ATP8A1: variants seen among roughly 807,000 people sequenced by gnomAD.
ATP8A1 encodes the protein ATPase phospholipid transporting 8A1.
Under a neutral mutation model 177.7 loss-of-function variants are expected in ATP8A1, and 90 were observed. That is an observed-to-expected ratio of 0.51 (90% CI 0.43 to 0.60). The LOEUF (loss-of-function observed/expected upper bound fraction) is 0.60. ATP8A1 is among the 20% of genes least tolerant of loss of function. The pLI is 0.00. For synonymous variants in ATP8A1, 493 were observed against 485.9 expected, an observed-to-expected ratio of 1.01 and a Z score of -0.19; for missense variants, 1,072 against 1,392.8, an observed-to-expected ratio of 0.77 and a Z score of 3.67.
chr4:42,627,437 T>C (rs950026353), intron 1 of ATP8A1, among the ~76,000 whole-genome samples: 1 of 152,238 alleles, frequency 6.6e-6, no homozygotes, highest in Non-Finnish European at 1.5e-5. Flanking sequence ...CTGGTTTAAA[T>C]TACAGTTTTA....
chr4:42,413,779 T>C (rs1712901788), intron 36 of ATP8A1, among the ~76,000 whole-genome samples: 1 of 152,224 alleles, frequency 6.6e-6, no homozygotes, highest in Admixed American at 6.5e-5. Flanking sequence ...AACCCACTGA[T>C]AGAAAGGGCC....
chr4:42,552,967 G>T (rs4328946), intron 16 of ATP8A1, among the ~76,000 whole-genome samples: 49,203 of 152,102 alleles, frequency 0.32, 8,698 homozygotes, highest in Non-Finnish European at 0.4. Flanking sequence ...GCCAGGACAA[G>T]AGAGTGAGAC....
chr4:42,448,401 C>CTTTTTTTTTTTTTTTTTTTTT lies in ATP8A1; in HGVS notation c.2897-1758_2897-1757insAAAAAAAAAAAAAAAAAAAAA, dbSNP rs1226963744. 1.5e-3 allele frequency among the ~76,000 whole-genome samples: 148 copies of CTTTTTTTTTTTTTTTTTTTTT among 99,498 alleles called. 2 individuals are homozygous for CTTTTTTTTTTTTTTTTTTTTT. Among genetic ancestry groups the CTTTTTTTTTTTTTTTTTTTTT allele is most frequent in the Non-Finnish European group, 2.2e-3 (113 of 52,550 alleles). 65.3% of individuals were successfully genotyped at this position (99,498 alleles called of 152,430 possible). ...CTCCCTCCCTCCTTCTCTTTCTTTT[C>CTTTTTTTTTTTTTTTTTTTTT]TTTTTTTTTTTTTTGAGATGGAGTC... On this transcript the variant is annotated intron_variant, in intron 30 of 36. Transcript: ENST00000381668.
intron 6 of ATP8A1, among the ~76,000 whole-genome samples, chr4:42,594,737 C>T (rs1734557919): frequency 6.6e-6 from 1 of 152,000 alleles, no homozygotes; most frequent in African/African-American, 2.4e-5. Context: ...TATAATTGCT[C>T]CTCACAATAA....
rs537471255 is a variant in ATP8A1 at position 42,460,641 on chromosome 4, C to A, written c.2619+4049G>T. ...CGACCTTGTGATCTGCCCGCCTCAG[C>A]CTCCCAAAGTGCTGGGATTACAGGC... On this transcript the variant is annotated intron_variant, in intron 27 of 36. Coordinates refer to ENST00000381668, the MANE Select transcript of ATP8A1 (RefSeq NM_006095.2). Among the ~76,000 whole-genome samples the A allele has an allele frequency of 8.5e-5, 13 of 152,326 alleles. No homozygotes were observed. In the South Asian group the frequency reaches 2.7e-3, roughly 32 times the overall value.
At chr4:42,642,641 T>C (rs1294634414) in intron 1 of ATP8A1, among the ~76,000 whole-genome samples, 1 of 152,094 alleles carries the variant, frequency 6.6e-6, no homozygotes, top group Non-Finnish European at 1.5e-5. Flanking sequence ...AATCCACAGG[T>C]AGAACAAAAA....
At chr4:42,435,453 A>C (rs562868588) in intron 33 of ATP8A1, among the ~76,000 whole-genome samples, 49 of 99,304 alleles carry the variant, frequency 4.9e-4, no homozygotes, top group South Asian at 4.5e-3. Context: ...AAAAAAACAA[A>C]AAAAAAAAAA....
At chr4:42,555,830 C>G in intron 16 of ATP8A1, 138 bp downstream of exon 16, 2 of 605,482 alleles carry the variant, frequency 3.3e-6, no homozygotes, top group Non-Finnish European at 5.4e-6. Flanking sequence ...TCTCAAATAA[C>G]TAACTAACTA....
At position 42,443,635 on chromosome 4, in the gene ATP8A1, C is replaced by T; in HGVS notation, c.3053G>A (p.Trp1018Ter). 6.3e-7 allele frequency: 1 copy of T among 1,575,140 alleles called. No individual in the cohort carries two copies. The highest frequency in any genetic ancestry group is 8.7e-7 in the Non-Finnish European group (1 of 1,144,622). ...HIAIWGSIAL[W>*]VVFFGIYSSL... is the part of the protein sequence containing the mutation. ...TGAGTAGATTCCAAAAAACACCACC[C>T]AGAGTGCGATGCTCCCCCATATCGC... is the stretch of plus-strand genomic sequence containing the variant. The change falls in exon 33 of 37, where the codon TGG becomes TAG. Residue 1018 changes from tryptophan to a stop codon, truncating the protein, a stop_gained. Coordinates refer to ENST00000381668, the MANE Select transcript of ATP8A1 (RefSeq NM_006095.2). LOFTEE classifies it high-confidence loss of function.
intron 8 of ATP8A1, among the ~76,000 whole-genome samples, chr4:42,587,315 T>C (rs1422789713): frequency 2.7e-5 from 4 of 147,662 alleles, no homozygotes; most frequent in Admixed American, 6.6e-5. Context: ...CTTTTCTTTT[T>C]TTTTTTTTTT....
chr4:42,644,977 G>C (rs184269131), intron 1 of ATP8A1, among the ~76,000 whole-genome samples: 12 of 151,638 alleles, frequency 7.9e-5, no homozygotes, highest in Admixed American at 5.3e-4. Flanking sequence ...AAATATTTGG[G>C]CTACAAATAT....
chr4:42,474,992 A>G (rs910653427), intron 25 of ATP8A1, among the ~76,000 whole-genome samples: 1 of 152,218 alleles, frequency 6.6e-6, no homozygotes, highest in African/African-American at 2.4e-5. Flanking sequence ...TATAATAACA[A>G]TATAATGTTT....
At chr4:42,636,192 C>CA (rs931560273) in intron 1 of ATP8A1, among the ~76,000 whole-genome samples, 4 of 126,842 alleles carry the variant, frequency 3.2e-5, no homozygotes, top group Non-Finnish European at 7.1e-5. Flanking sequence ...TAAGCTGGAT[C>CA]AAAACAATTC....
At chr4:42,418,912 G>A (rs1268736401) in intron 35 of ATP8A1, among the ~76,000 whole-genome samples, 1 of 152,056 alleles carries the variant, frequency 6.6e-6, no homozygotes, top group Non-Finnish European at 1.5e-5. Context: ...TTCCTTAAGT[G>A]CTTACAATTT....
chr4:42,522,847 C>T (rs1035610033), intron 21 of ATP8A1, among the ~76,000 whole-genome samples: 3 of 152,154 alleles, frequency 2.0e-5, no homozygotes, highest in Non-Finnish European at 4.4e-5. Flanking sequence ...CAGTAACACT[C>T]CTACAGCGTG....
chr4:42,431,884 G>A (rs2153170896), intron 33 of ATP8A1, among the ~76,000 whole-genome samples: 1 of 152,298 alleles, frequency 6.6e-6, no homozygotes, highest in East Asian at 1.9e-4. Flanking sequence ...TCTTCTTCGT[G>A]AAATCATCAT....
chr4:42,497,949 A>G (rs1367761253), intron 24 of ATP8A1, among the ~76,000 whole-genome samples: 1 of 152,254 alleles, frequency 6.6e-6, no homozygotes, highest in African/African-American at 2.4e-5. Context: ...TGCTTCTGAT[A>G]GGGATACATT....
At chr4:42,414,500 C>A (rs1053253800) in intron 36 of ATP8A1, 127 bp downstream of exon 36, 8 of 780,374 alleles carry the variant, frequency 1.0e-5, no homozygotes, top group Non-Finnish European at 1.7e-5. Flanking sequence ...TTACAGGTTA[C>A]AAATATGCAA....
chr4:42,574,366 G>A (rs573672329), intron 14 of ATP8A1, among the ~76,000 whole-genome samples: 34 of 152,302 alleles, frequency 2.2e-4, no homozygotes, highest in African/African-American at 7.9e-4. Context: ...CAGGGCAAGA[G>A]AGAGACTTTC....
Sources: gnomAD v4.1 joint callset for allele counts (sites outside exome capture counted in the v4.1 genomes callset) on GRCh38, gnomAD v4.1.1 for gene constraint, MANE v1.5 for transcripts, NCBI Gene and HGNC (gene_info 2026-07-23, HGNC 2026-07-21) for gene names.